The following GBE1 variants were observed in gnomAD, a reference collection of about 807,000 sequenced individuals.
GBE1 encodes the protein 1,4-alpha-glucan-branching enzyme.
Under a neutral mutation model 88.8 loss-of-function variants are expected in GBE1, and 70 were observed. The ratio of observed to expected loss-of-function variants is 0.79; its 90% confidence interval spans 0.65 to 0.96. The LOEUF (loss-of-function observed/expected upper bound fraction) is 0.96, where lower values mean the gene tolerates loss of function less well. GBE1 is among the 40% of genes least tolerant of loss of function. The pLI is 0.00. For missense variants in GBE1, 872 were observed against 871.0 expected, an observed-to-expected ratio of 1.00 and a Z score of -0.01; for synonymous variants, 284 against 300.1, an observed-to-expected ratio of 0.95 and a Z score of 0.56.
intron 3 of GBE1, among the ~76,000 whole-genome samples, chr3:81,666,780 G>A (rs992410745): frequency 5.9e-5 from 9 of 152,074 alleles, no homozygotes; most frequent in Non-Finnish European, 7.4e-5. Flanking sequence ...AACTTATCTA[G>A]AAAATAATTT....
chr3:81,577,660 G>A (rs183697993), intron 12 of GBE1, among the ~76,000 whole-genome samples: 82 of 151,914 alleles, frequency 5.4e-4, no homozygotes, highest in African/African-American at 1.0e-3. Flanking sequence ...CCATAATTCC[G>A]GATGTTAAAA....
At chr3:81,619,659 T>C (rs184568519) in intron 7 of GBE1, among the ~76,000 whole-genome samples, 228 of 152,222 alleles carry the variant, frequency 1.5e-3, no homozygotes, top group African/African-American at 5.3e-3. Flanking sequence ...GGAAGAAAAT[T>C]ATAAAGCAAA....
At chr3:81,494,923 A>C (rs1702481453) in intron 15 of GBE1, among the ~76,000 whole-genome samples, 1 of 152,206 alleles carries the variant, frequency 6.6e-6, no homozygotes, top group Non-Finnish European at 1.5e-5. Flanking sequence ...CTAATAATTG[A>C]CTTGCAAAAT....
intron 2 of GBE1, among the ~76,000 whole-genome samples, chr3:81,701,317 T>A (rs961099931): frequency 2.0e-5 from 3 of 152,102 alleles, no homozygotes; most frequent in African/African-American, 7.2e-5. Context: ...GATTGTTTTA[T>A]TTTCTCTCAA....
At chr3:81,596,229 T>C (rs1310049211) in intron 7 of GBE1, among the ~76,000 whole-genome samples, 2 of 151,884 alleles carry the variant, frequency 1.3e-5, no homozygotes, top group Non-Finnish European at 2.9e-5. Context: ...AATTTAAAAT[T>C]AGTAGCAGCA....
intron 7 of GBE1, among the ~76,000 whole-genome samples, chr3:81,620,142 T>C (rs777832769): frequency 3.3e-5 from 5 of 151,860 alleles, no homozygotes; most frequent in African/African-American, 4.8e-5. Flanking sequence ...GGCTGTCATA[T>C]ATGACAGCAT....
At chr3:81,493,073 G>A (rs1056297277) in intron 15 of GBE1, among the ~76,000 whole-genome samples, 1 of 152,106 alleles carries the variant, frequency 6.6e-6, no homozygotes, top group Admixed American at 6.6e-5. Flanking sequence ...CACAGTAACT[G>A]GATTTAACTA....
chr3:81,665,399 G>C (rs1358610267), intron 3 of GBE1, among the ~76,000 whole-genome samples: 1 of 152,064 alleles, frequency 6.6e-6, no homozygotes, highest in East Asian at 1.9e-4. Context: ...AGCCGGGCGT[G>C]GTGGCGGGCG....
chr3:81,657,382 C>CA (rs201849578), intron 3 of GBE1, among the ~76,000 whole-genome samples: 35 of 145,162 alleles, frequency 2.4e-4, no homozygotes, highest in East Asian at 6.2e-4. Context: ...AATCAGTGAA[C>CA]AAAAAAAAAA....
intron 3 of GBE1, chr3:81,650,144 T>C (rs1423894958): frequency 2.9e-6 from 1 of 345,336 alleles, no homozygotes; most frequent in Admixed American, 5.3e-5. Context: ...GAACATTTTA[T>C]GGCTTTCTGG....
chr3:81,723,706 T>C (rs1706069697), intron 1 of GBE1, among the ~76,000 whole-genome samples: 1 of 152,166 alleles, frequency 6.6e-6, no homozygotes, highest in African/African-American at 2.4e-5. Context: ...CACTGAAGCA[T>C]GACGTACTCA....
At chr3:81,695,736 T>A (rs1400819965) in intron 2 of GBE1, among the ~76,000 whole-genome samples, 3 of 152,136 alleles carry the variant, frequency 2.0e-5, no homozygotes, top group African/African-American at 7.2e-5. Context: ...GCCTTCAAGA[T>A]TTGGGTTAAA....
intron 8 of GBE1, among the ~76,000 whole-genome samples, chr3:81,592,497 T>C (rs566744154): frequency 6.6e-6 from 1 of 152,196 alleles, no homozygotes; most frequent in Non-Finnish European, 1.5e-5. Flanking sequence ...TCAAATACTG[T>C]GTCTTGATAT....
intron 12 of GBE1, among the ~76,000 whole-genome samples, chr3:81,537,628 G>A (rs1208945378): frequency 1.3e-5 from 2 of 151,980 alleles, no homozygotes; most frequent in African/African-American, 4.8e-5. Flanking sequence ...TTAAAATTGA[G>A]TTCCTCTCAT....
intron 14 of GBE1, among the ~76,000 whole-genome samples, 184 bp from the exon 15 acceptor site, chr3:81,499,411 A>G (rs556850269): frequency 1.1e-4 from 17 of 152,232 alleles, no homozygotes; most frequent in Non-Finnish European, 2.2e-4. Context: ...TACTGCACAC[A>G]CTCATGAGAT....
chr3:81,702,556 T>C (rs779405902), intron 2 of GBE1, among the ~76,000 whole-genome samples: 2 of 152,014 alleles, frequency 1.3e-5, no homozygotes, highest in African/African-American at 2.4e-5. Flanking sequence ...TCAATAAAAA[T>C]AAAGGCCCAC....
chr3:81,563,683 A>C (rs1196140220), intron 12 of GBE1, among the ~76,000 whole-genome samples: 1 of 152,078 alleles, frequency 6.6e-6, no homozygotes, highest in Admixed American at 6.6e-5. Flanking sequence ...AGAAAATGAA[A>C]CTTTGAAGTG....
At chr3:81,523,084 A>C (rs1021246456) in intron 14 of GBE1, among the ~76,000 whole-genome samples, 1 of 151,444 alleles carries the variant, frequency 6.6e-6, no homozygotes, top group East Asian at 2.0e-4. Context: ...ATACAGTGTA[A>C]TTCTGTGTCA....
chr3:81,652,321 A>T (rs1002661133), intron 3 of GBE1, among the ~76,000 whole-genome samples: 2 of 152,242 alleles, frequency 1.3e-5, no homozygotes, highest in Non-Finnish European at 2.9e-5. Context: ...GTCCTGGGCC[A>T]GAATCGACAA....
Sources: gnomAD v4.1 joint callset for allele counts (sites outside exome capture counted in the v4.1 genomes callset) on GRCh38, gnomAD v4.1.1 for gene constraint, MANE v1.5 for transcripts, NCBI Gene and HGNC (gene_info 2026-07-23, HGNC 2026-07-21) for gene names.